The following ANK3 variants were observed in gnomAD, a reference collection of about 807,000 sequenced individuals.
The protein encoded by ANK3 is ankyrin-3.
A neutral mutation model predicts 370.9 loss-of-function variants in ANK3; 57 were observed. The observed-to-expected ratio is 0.15, with a 90% CI of 0.12 to 0.19. The LOEUF is 0.19. ANK3 is among the 10% of genes least tolerant of loss of function. The pLI, the probability that ANK3 is intolerant of heterozygous loss-of-function variation, is 1.00. For synonymous variants in ANK3, 1,929 were observed against 1,946.3 expected (o/e 0.99, Z 0.23); for missense variants, 4,439 against 5,302.1 (o/e 0.84, Z 5.06).
intron 1 of ANK3, among the ~76,000 whole-genome samples, chr10:60,677,646 A>G (rs1193465003): frequency 1.3e-5 from 2 of 152,070 alleles, no homozygotes; most frequent in Non-Finnish European, 2.9e-5. Flanking sequence ...GAAGATTTAA[A>G]ATTATTTATG....
intron 2 of ANK3, among the ~76,000 whole-genome samples, chr10:60,610,155 A>T (rs2133316383): frequency 6.6e-6 from 1 of 152,278 alleles, no homozygotes; most frequent in African/African-American, 2.4e-5. Context: ...TCACAAAAGA[A>T]GTCATTAAAT....
chr10:60,586,325 CAATGTCAGAGCAGAAACACCTCAT>C (rs2077831024), intron 2 of ANK3, among the ~76,000 whole-genome samples: 1 of 152,154 alleles, frequency 6.6e-6, no homozygotes. Context: ...AAATTTCTTT[CAATGTCAGAGCAGAAACACCTCAT>C]AATGTATACC....
At chr10:60,507,134 G>A (rs910835084) in intron 2 of ANK3, among the ~76,000 whole-genome samples, 3 of 151,794 alleles carry the variant, frequency 2.0e-5, no homozygotes, top group African/African-American at 4.8e-5. Context: ...ACATCACATC[G>A]TGCCTTCTAA....
chr10:60,089,909 T>C (rs1008349431), intron 28 of ANK3, among the ~76,000 whole-genome samples: 4 of 152,114 alleles, frequency 2.6e-5, no homozygotes, highest in African/African-American at 9.7e-5. Flanking sequence ...GAGAGAAAGA[T>C]GATTTATTTA....
chr10:60,648,352 G>A (rs1387285047), intron 1 of ANK3, among the ~76,000 whole-genome samples: 1 of 145,658 alleles, frequency 6.9e-6, no homozygotes, highest in Non-Finnish European at 1.5e-5. Flanking sequence ...ATAGAGACAG[G>A]ATTTCACTAT....
In ANK3 at chr10:60,242,759, G is replaced by T. The variant is rs144931715; in HGVS notation, c.799-7973C>A. ...TTGTATTAAAAGAAGGACATTCACAGGTATTTCATATCTTTTGTCTCATTT... is the reference window on the plus strand; with the variant it reads ...TTGTATTAAAAGAAGGACATTCACATGTATTTCATATCTTTTGTCTCATTT... On this transcript the variant is annotated intron_variant, in intron 7 of 43. Transcript: ENST00000280772. 3.4e-4 allele frequency among the ~76,000 whole-genome samples: 51 copies of T among 152,200 alleles called. No homozygotes were observed. The South Asian group carries it at 4.4e-3, about 13-fold the overall frequency.
chr10:60,056,428 C>T (rs199720698), intron 41 of ANK3, among the ~76,000 whole-genome samples: 5 of 152,098 alleles, frequency 3.3e-5, no homozygotes, highest in East Asian at 3.9e-4. Flanking sequence ...GAGATTGTGC[C>T]ACTGTATTTC....
At chr10:60,454,755 C>T (rs2064703721) in intron 2 of ANK3, among the ~76,000 whole-genome samples, 1 of 152,144 alleles carries the variant, frequency 6.6e-6, no homozygotes, top group African/African-American at 2.4e-5. Context: ...TTCGAGTTCA[C>T]AAATAAGCTT....
At chr10:60,617,616 A>T (rs1400800310) in intron 1 of ANK3, among the ~76,000 whole-genome samples, 1 of 152,182 alleles carries the variant, frequency 6.6e-6, no homozygotes, top group Non-Finnish European at 1.5e-5. Context: ...AGCCAACCAG[A>T]CACTAGATTC....
At chr10:60,416,080 C>T (rs148386918) in intron 2 of ANK3, among the ~76,000 whole-genome samples, 1 of 151,974 alleles carries the variant, frequency 6.6e-6, no homozygotes, top group Non-Finnish European at 1.5e-5. Context: ...GAAAGACCCT[C>T]ATCCTTTCTA....
intron 2 of ANK3, among the ~76,000 whole-genome samples, chr10:60,565,720 C>T (rs181062305): frequency 6.6e-6 from 1 of 152,274 alleles, no homozygotes; most frequent in African/African-American, 2.4e-5. Flanking sequence ...ACACTCTTAT[C>T]CTCTGTCATC....
chr10:60,223,714 A>C (rs974251948), intron 8 of ANK3, among the ~76,000 whole-genome samples: 2 of 152,194 alleles, frequency 1.3e-5, no homozygotes, highest in African/African-American at 4.8e-5. Context: ...CTATTAAAAT[A>C]CCTTATTTTT....
chr10:60,715,663 A>G (rs2079776324), intron 1 of ANK3, among the ~76,000 whole-genome samples: 1 of 152,190 alleles, frequency 6.6e-6, no homozygotes, highest in African/African-American at 2.4e-5. Context: ...TCAGATAGTT[A>G]TTTCAGATAT....
chr10:60,653,845 G>A (rs912817323), intron 1 of ANK3, among the ~76,000 whole-genome samples: 1 of 152,196 alleles, frequency 6.6e-6, no homozygotes, highest in African/African-American at 2.4e-5. Context: ...TGCAGCTTGG[G>A]TGACAGAGCA....
intron 1 of ANK3, among the ~76,000 whole-genome samples, chr10:60,295,805 T>A (rs747419825): frequency 6.6e-6 from 1 of 152,208 alleles, no homozygotes; most frequent in African/African-American, 2.4e-5. Context: ...GGCAATCTTG[T>A]TACATGCTAA....
chr10:60,085,113 A>C, intron 31 of ANK3, 44 bp downstream of exon 31: 1 of 1,519,796 alleles, frequency 6.6e-7, no homozygotes, highest in Non-Finnish European at 9.0e-7. Context: ...AAAGGTAATA[A>C]AAACTAATTC....
intron 7 of ANK3, among the ~76,000 whole-genome samples, chr10:60,237,485 G>T (rs1004262440): frequency 6.6e-6 from 1 of 152,124 alleles, no homozygotes; most frequent in Non-Finnish European, 1.5e-5. Flanking sequence ...AACAGGCTAA[G>T]TTTAGTAAGA....
intron 2 of ANK3, among the ~76,000 whole-genome samples, chr10:60,399,926 G>A (rs549164079): frequency 2.6e-5 from 4 of 152,038 alleles, no homozygotes; most frequent in South Asian, 2.1e-4. Flanking sequence ...CCGAGTGTCC[G>A]TTGCATTAGC....
chr10:60,571,617 A>C (rs1188494972), intron 2 of ANK3, among the ~76,000 whole-genome samples: 1 of 152,218 alleles, frequency 6.6e-6, no homozygotes. Flanking sequence ...CTATAATCCT[A>C]TTTTAGATAT....
Sources: allele counts gnomAD v4.1 joint callset (sites outside exome capture counted in the v4.1 genomes callset), GRCh38; gene constraint gnomAD v4.1.1; transcripts MANE v1.5; gene names NCBI Gene and HGNC (gene_info 2026-07-23, HGNC 2026-07-21).